The following STRN variants were observed in gnomAD, a reference collection of about 807,000 sequenced individuals.
STRN encodes the protein striatin.
STRN carries 53 observed loss-of-function variants against 96.3 expected under a neutral mutation model. The ratio of observed to expected loss-of-function variants is 0.55; its 90% confidence interval spans 0.44 to 0.69. The LOEUF is 0.69. STRN is among the 30% of genes least tolerant of loss of function. The probability of loss-of-function intolerance (pLI) is 0.00; values close to 1 mark genes in which losing one functional copy is unlikely to be tolerated. For missense variants in STRN, 987 were observed against 963.9 expected (o/e 1.02, Z -0.32); for synonymous variants, 428 against 355.9 (o/e 1.20, Z -2.28).
At chr2:36,923,140 G>GA (rs1165771368) in intron 2 of STRN, among the ~76,000 whole-genome samples, 4,581 of 121,206 alleles carry the variant, frequency 0.038, 105 homozygotes, top group East Asian at 0.14. Context: ...AACTCCGTCT[G>GA]AAAAAAAAAA....
intron 1 of STRN, among the ~76,000 whole-genome samples, chr2:36,945,442 CG>C (rs1670955741): frequency 6.6e-6 from 1 of 152,082 alleles, no homozygotes; most frequent in Non-Finnish European, 1.5e-5. Context: ...CCGCGGCAGG[CG>C]GATCATGAGG....
At chr2:36,956,242 A>G (rs981186029) in intron 1 of STRN, among the ~76,000 whole-genome samples, 2 of 152,232 alleles carry the variant, frequency 1.3e-5, no homozygotes, top group Non-Finnish European at 2.9e-5. Context: ...TCAACCAACA[A>G]AAAAGCAAAC....
At chr2:36,953,736 C>G (rs1340624899) in intron 1 of STRN, among the ~76,000 whole-genome samples, 2 of 152,152 alleles carry the variant, frequency 1.3e-5, no homozygotes, top group Admixed American at 1.3e-4. Context: ...TTAAGTCTAC[C>G]AAGAAAGTGA....
intron 13 of STRN, among the ~76,000 whole-genome samples, chr2:36,859,361 A>T (rs866021615): frequency 3.9e-5 from 6 of 152,216 alleles, no homozygotes; most frequent in Non-Finnish European, 8.8e-5. Flanking sequence ...AAGTAAACTC[A>T]AGAAATATTT....
intron 1 of STRN, among the ~76,000 whole-genome samples, chr2:36,943,649 A>C (rs1021366883): frequency 1.3e-5 from 2 of 151,942 alleles, no homozygotes; most frequent in Non-Finnish European, 2.9e-5. Context: ...CTAAAAATAG[A>C]AAAAATTAGC....
chr2:36,858,178 C>G (rs1668397563), intron 13 of STRN, among the ~76,000 whole-genome samples, 155 bp from the exon 14 acceptor site: 1 of 151,924 alleles, frequency 6.6e-6, no homozygotes, highest in African/African-American at 2.4e-5. Context: ...TACAGTAAAT[C>G]AAAACAAGCT....
chr2:36,899,489 A>C, intron 6 of STRN, 34 bp downstream of exon 6: 2 of 1,586,248 alleles, frequency 1.3e-6, no homozygotes, highest in East Asian at 2.3e-5. Flanking sequence ...ATAGTCCCTA[A>C]AAATATTTAT....
chr2:36,892,526 T>C (rs1256619455), intron 7 of STRN, among the ~76,000 whole-genome samples: 2 of 152,168 alleles, frequency 1.3e-5, no homozygotes, highest in African/African-American at 4.8e-5. Context: ...ACACTCAATA[T>C]TGAAAAGATA....
rs143142218 is a variant in STRN, at chr2:36,858,690, G to A, written c.1670-667C>T. Among the ~76,000 whole-genome samples, 360 of 152,304 alleles carry A rather than the reference G, an allele frequency of 2.4e-3. 4 individuals are homozygous for A. Among genetic ancestry groups the A allele is most frequent in the African/African-American group, 8.4e-3 (350 of 41,562 alleles). On this transcript the variant is annotated intron_variant, in intron 13 of 17. Coordinates refer to ENST00000263918, the MANE Select transcript of STRN (RefSeq NM_003162.4). Reference sequence around the variant, plus strand: ...TGATTCTATGAAGTGGTACTTTCAAGATGACTCACAAATGTTAAGTCTGGA... The same window carrying A: ...TGATTCTATGAAGTGGTACTTTCAAAATGACTCACAAATGTTAAGTCTGGA...
chr2:36,863,183 C>A (rs1355282959), intron 12 of STRN, among the ~76,000 whole-genome samples: 5 of 151,974 alleles, frequency 3.3e-5, no homozygotes, highest in Non-Finnish European at 7.4e-5. Flanking sequence ...AAATTAGGTC[C>A]CATTTGTCAT....
At chr2:36,918,835 C>T (rs908925450) in intron 2 of STRN, among the ~76,000 whole-genome samples, 4 of 152,184 alleles carry the variant, frequency 2.6e-5, no homozygotes, top group African/African-American at 9.6e-5. Flanking sequence ...TAACACTCAG[C>T]TCACTGTGTT....
chr2:36,915,232 A>AT (rs1670062233), intron 3 of STRN, among the ~76,000 whole-genome samples: 4 of 86,502 alleles, frequency 4.6e-5, no homozygotes, highest in African/African-American at 1.4e-4. Flanking sequence ...TGAATACATA[A>AT]ATATATATAT....
chr2:36,934,855 T>C (rs767030025), intron 1 of STRN, among the ~76,000 whole-genome samples: 2 of 152,152 alleles, frequency 1.3e-5, no homozygotes, highest in African/African-American at 2.4e-5. Flanking sequence ...GATGGATGGA[T>C]CACTTGAACT....
At chr2:36,864,013 AGAAATTTG>A (rs1301033397) in intron 12 of STRN, among the ~76,000 whole-genome samples, 2 of 152,236 alleles carry the variant, frequency 1.3e-5, no homozygotes, top group Non-Finnish European at 2.9e-5. Flanking sequence ...TTTTATATCC[AGAAATTTG>A]CTGAAGTTGT....
intron 8 of STRN, among the ~76,000 whole-genome samples, chr2:36,886,219 C>G (rs1320934490): frequency 6.6e-6 from 1 of 151,936 alleles, no homozygotes; most frequent in East Asian, 1.9e-4. Context: ...TGACTCTGTG[C>G]CCTGTATAGC....
chr2:36,918,543 G>T (rs1402252700), intron 2 of STRN, among the ~76,000 whole-genome samples: 1 of 151,492 alleles, frequency 6.6e-6, no homozygotes, highest in Non-Finnish European at 1.5e-5. Flanking sequence ...AACTACAACA[G>T]AACCTACAAA....
chr2:36,902,861 G>C (rs1669725306), intron 4 of STRN, 110 bp from the exon 5 acceptor site: 4 of 869,604 alleles, frequency 4.6e-6, no homozygotes, highest in Non-Finnish European at 6.7e-6. Flanking sequence ...AGACTTAACA[G>C]TACAGTACTA....
chr2:36,875,009 TTTTC>T (rs2148159621), intron 10 of STRN, among the ~76,000 whole-genome samples: 1 of 152,282 alleles, frequency 6.6e-6, no homozygotes, highest in Non-Finnish European at 1.5e-5. Context: ...AAAACAATAA[TTTTC>T]TTTTAGAAGA....
At position 36,857,985 on chromosome 2, in the gene STRN, C is replaced by T; in HGVS notation, c.1708G>A (p.Asp570Asn). 1 of 1,612,044 alleles carries T rather than the reference C, an allele frequency of 6.2e-7. No homozygotes were observed. The highest frequency in any genetic ancestry group is 1.3e-5 in the African/African-American group (1 of 74,998). ...VLRGPLLGHT[D>N]AVWGLAYSAA... Reference sequence around the variant, plus strand: ...CTATAAGCCAAACCCCAGACTGCATCCGTGTGGCCTAGCAGAGGGCCTCGT... The same window carrying T: ...CTATAAGCCAAACCCCAGACTGCATTCGTGTGGCCTAGCAGAGGGCCTCGT... The change falls in exon 14 of 18, where the codon GAT becomes AAT. Residue 570 changes from aspartate (D) to asparagine (N), a missense_variant. Asp to Asn is a conservative substitution (Grantham distance 23). Coordinates refer to ENST00000263918, the MANE Select transcript of STRN (RefSeq NM_003162.4).
Sources: gnomAD v4.1 joint callset for allele counts (sites outside exome capture counted in the v4.1 genomes callset) on GRCh38, gnomAD v4.1.1 for gene constraint, MANE v1.5 for transcripts, NCBI Gene and HGNC (gene_info 2026-07-23, HGNC 2026-07-21) for gene names.